SLC8A1: variants seen among roughly 807,000 people sequenced by gnomAD.
The protein encoded by SLC8A1 is solute carrier family 8 member A1, also known as sodium/calcium exchanger 1.
SLC8A1 carries 18 observed loss-of-function variants against 68.3 expected under a neutral mutation model. The observed-to-expected ratio is 0.26, with a 90% CI of 0.18 to 0.39. SLC8A1 has a LOEUF of 0.39. Ranked by LOEUF, SLC8A1 falls within the 10% of genes least tolerant of loss-of-function variation. The pLI is 1.00. For missense variants in SLC8A1, 985 were observed against 1,156.7 expected (o/e 0.85, Z 2.15); for synonymous variants, 475 against 415.5 (o/e 1.14, Z -1.74).
chr2:40,124,174 C>T (rs965787608), intron 7 of SLC8A1, among the ~76,000 whole-genome samples: 1 of 152,176 alleles, frequency 6.6e-6, no homozygotes. Flanking sequence ...AAAAAGAAAA[C>T]AGAAACCTTC....
chr2:40,452,101 G>C (rs1277688133), upstream of SLC8A1: 1 of 148,882 alleles, frequency 6.7e-6, no homozygotes, highest in East Asian at 2.0e-4. Flanking sequence ...AGCGGGCAGC[G>C]GTGCGCGCGG....
At chr2:40,426,453 G>C (rs2149771605) in intron 2 of SLC8A1, among the ~76,000 whole-genome samples, 1 of 152,062 alleles carries the variant, frequency 6.6e-6, no homozygotes, top group East Asian at 1.9e-4. Context: ...GTTTTAAATG[G>C]AACTTGGCAG....
At chr2:40,165,702 G>A (rs2046433431) in intron 4 of SLC8A1, among the ~76,000 whole-genome samples, 1 of 152,128 alleles carries the variant, frequency 6.6e-6, no homozygotes, top group African/African-American at 2.4e-5. Flanking sequence ...CACCATGTGA[G>A]CACAATTATT....
intron 2 of SLC8A1, among the ~76,000 whole-genome samples, chr2:40,232,390 A>C (rs1308480120): frequency 1.9e-5 from 1 of 53,708 alleles, no homozygotes; most frequent in Non-Finnish European, 5.5e-5. Flanking sequence ...ATATGGTGCA[A>C]GTTATTTTTT....
intron 2 of SLC8A1, among the ~76,000 whole-genome samples, chr2:40,331,466 G>C (rs1479146578): frequency 6.6e-6 from 1 of 152,074 alleles, no homozygotes; most frequent in African/African-American, 2.4e-5. Context: ...ACTCCCGGGA[G>C]AATAAAAAAG....
At chr2:40,446,724 C>T (rs1305245883) in intron 1 of SLC8A1, 1 of 152,078 alleles carries the variant, frequency 6.6e-6, no homozygotes, top group Non-Finnish European at 1.5e-5. Flanking sequence ...AGCCCTTGGC[C>T]CAAGTTATTT....
chr2:40,098,334 A>C (rs2033695509), exon 8 of SLC8A1: 1 of 152,078 alleles, frequency 6.6e-6, no homozygotes, highest in African/African-American at 2.4e-5. Context: ...TATAGGAGTC[A>C]AAATTTTTAT....
At chr2:40,464,898 T>C (rs142056071) in intron 1 of SLC8A1, among the ~76,000 whole-genome samples, 28 of 152,174 alleles carry the variant, frequency 1.8e-4, no homozygotes, top group African/African-American at 6.7e-4. Flanking sequence ...ACTGATTAGA[T>C]AATAAATGAG....
At chr2:40,264,059 T>C (rs1574897302) in intron 2 of SLC8A1, among the ~76,000 whole-genome samples, 1 of 152,144 alleles carries the variant, frequency 6.6e-6, no homozygotes, top group South Asian at 2.1e-4. Context: ...AGACACTTCT[T>C]GCAAGAAGAC....
At chr2:40,261,744 C>CGACT (rs1553459892) in intron 2 of SLC8A1, among the ~76,000 whole-genome samples, 1 of 152,204 alleles carries the variant, frequency 6.6e-6, no homozygotes. Context: ...TGCGTAAGTG[C>CGACT]CACAGTCGTT....
intron 2 of SLC8A1, among the ~76,000 whole-genome samples, chr2:40,185,920 T>A (rs535117579): frequency 3.9e-5 from 6 of 152,232 alleles, no homozygotes; most frequent in African/African-American, 1.4e-4. Flanking sequence ...AAACTGTGAT[T>A]TCCACAGTTT....
At chr2:40,154,479 CTTTTCTT>C (rs1439935157) in intron 6 of SLC8A1, among the ~76,000 whole-genome samples, 5 of 30,050 alleles carry the variant, frequency 1.7e-4, no homozygotes, top group Middle Eastern at 0.029. Flanking sequence ...AATTTTTTTT[CTTTTCTT>C]TTTTTTTTTT....
chr2:40,191,325 T>C (rs960887985), intron 2 of SLC8A1, among the ~76,000 whole-genome samples: 1 of 152,146 alleles, frequency 6.6e-6, no homozygotes, highest in African/African-American at 2.4e-5. Context: ...GGGTATTCCA[T>C]TTAGCTTAAA....
In SLC8A1 at chr2:40,381,490, T is replaced by C. The variant is rs74440941; in HGVS notation, c.1808+46983A>G. On this transcript the variant is annotated intron_variant, in intron 2 of 7. Transcript: ENST00000406785. Reference sequence around the variant, plus strand: ...TTCATATCTCCAGAACAGGTTTCTTTCTCTTCACTTCGTCAAAATTTTATT... The same window carrying C: ...TTCATATCTCCAGAACAGGTTTCTTCCTCTTCACTTCGTCAAAATTTTATT... Among the ~76,000 whole-genome samples, 691 of 152,082 alleles carry C rather than the reference T, an allele frequency of 4.5e-3. 7 individuals carry two copies. Among genetic ancestry groups the C allele is most frequent in the African/African-American group, 0.016 (667 of 41,488 alleles).
chr2:40,277,777 A>AATATATATATATGTGTGTATATATATAT (rs1293307499), intron 2 of SLC8A1, among the ~76,000 whole-genome samples: 1 of 114,458 alleles, frequency 8.7e-6, no homozygotes. Flanking sequence ...CATATGTATA[A>AATATATATATATGTGTGTATATATATAT]ATATATATAT....
chr2:40,458,260 T>G (rs1456051837), intron 1 of SLC8A1, among the ~76,000 whole-genome samples: 1 of 152,218 alleles, frequency 6.6e-6, no homozygotes, highest in Non-Finnish European at 1.5e-5. Context: ...TTACAAACGT[T>G]TAAGTGCCTT....
intron 2 of SLC8A1, among the ~76,000 whole-genome samples, chr2:40,361,841 C>A (rs941257980): frequency 7.6e-6 from 1 of 131,638 alleles, no homozygotes; most frequent in Admixed American, 8.2e-5. Context: ...CATAATTTTT[C>A]AATAATAATT....
At chr2:40,503,406 C>A (rs2149938654) in intron 1 of SLC8A1, among the ~76,000 whole-genome samples, 1 of 152,072 alleles carries the variant, frequency 6.6e-6, no homozygotes, top group African/African-American at 2.4e-5. Context: ...GATAGTCACA[C>A]AATTACACTG....
intron 2 of SLC8A1, among the ~76,000 whole-genome samples, chr2:40,209,563 G>A (rs909066533): frequency 1.3e-5 from 2 of 152,116 alleles, no homozygotes; most frequent in Non-Finnish European, 2.9e-5. Context: ...TACTTTACAG[G>A]ATCACTCTAG....
Sources: allele counts gnomAD v4.1 joint callset (sites outside exome capture counted in the v4.1 genomes callset), GRCh38; gene constraint gnomAD v4.1.1; transcripts MANE v1.5; gene names NCBI Gene and HGNC (gene_info 2026-07-23, HGNC 2026-07-21).